The following PPIL6 variants were observed in gnomAD, a reference collection of about 807,000 sequenced individuals.
PPIL6 encodes peptidylprolyl isomerase like 6.
In PPIL6, 39 loss-of-function variants were observed where a neutral mutation model predicts 36.8. That is an observed-to-expected ratio of 1.06 (90% CI 0.82 to 1.38). The LOEUF is 1.38. Among genes scored for constraint, PPIL6 ranks in the 40% most tolerant of loss-of-function variants. The pLI, the probability that PPIL6 is intolerant of heterozygous loss-of-function variation, is 0.00. For synonymous variants in PPIL6, 123 were observed against 134.1 expected (o/e 0.92, Z 0.57); for missense variants, 368 against 379.1 (o/e 0.97, Z 0.24).
intron 3 of PPIL6, among the ~76,000 whole-genome samples, chr6:109,427,408 G>A (rs1332073024): frequency 6.6e-6 from 1 of 151,874 alleles, no homozygotes; most frequent in Non-Finnish European, 1.5e-5. Context: ...TTTTGAGACA[G>A]GGTCTGGCTC....
chr6:109,399,450 G>A (rs4946971), intron 7 of PPIL6, among the ~76,000 whole-genome samples: 10,076 of 151,884 alleles, frequency 0.066, 406 homozygotes, highest in South Asian at 0.13. Context: ...GTGTCACCCC[G>A]GCTGGAGTGC....
Position 109,392,590 on chromosome 6 carries a change from T to A in PPIL6, c.*236A>T, listed in dbSNP as rs1490316508. 2.3e-6 allele frequency: 1 copy of A among 437,066 alleles called. No individual in the cohort carries two copies. Among genetic ancestry groups the A allele is most frequent in the Non-Finnish European group, 4.0e-6 (1 of 247,648 alleles). The allele number at this position is 437,066 out of a possible 1,614,324, so 27.1% of individuals were successfully genotyped here. ...ATTCCTGTCCCACTGGCCAGAACCA[T>A]CTCTCATGGCCACCCGTGGCTGCAA... On this transcript the variant is annotated 3_prime_UTR_variant, in exon 8 of 8. Coordinates refer to ENST00000521072, the MANE Select transcript of PPIL6 (RefSeq NM_173672.5).
chr6:109,417,368 T>C (rs1773319053), intron 6 of PPIL6, among the ~76,000 whole-genome samples: 1 of 133,608 alleles, frequency 7.5e-6, no homozygotes, highest in Admixed American at 7.7e-5. Flanking sequence ...GGGAATACAG[T>C]GAGACCCTGT....
At chr6:109,433,034 C>T (rs1217670355) in intron 2 of PPIL6, among the ~76,000 whole-genome samples, 2 of 151,754 alleles carry the variant, frequency 1.3e-5, no homozygotes, top group African/African-American at 4.8e-5. Context: ...TCAGTGTTAC[C>T]ATATTTTACA....
chr6:109,421,102 G>A (rs905475224), intron 5 of PPIL6, among the ~76,000 whole-genome samples: 2 of 152,108 alleles, frequency 1.3e-5, no homozygotes, highest in Non-Finnish European at 2.9e-5. Context: ...CTTCTCCCCT[G>A]CCAACTTACC....
In PPIL6 at chr6:109,431,338, T is replaced by C. The variant is rs1415585077; in HGVS notation, c.239A>G (p.Lys80Arg). 1.3e-6 allele frequency: 2 copies of C among 1,585,208 alleles called. No homozygotes were observed. The highest frequency in any genetic ancestry group is 2.3e-5 in the South Asian group (2 of 86,088). ...QYLQEKKREL[K>R]NETWEYSSSV... The stretch of plus-strand genomic sequence containing the variant: ...GGAAGAATATTCCCAGGTTTCATTT[T>C]TGAGTTCCTGTAAGGGAAAAGGACA... Residue 80 changes from lysine to arginine, a missense_variant, in exon 3 of 8, where the codon AAA (lysine) becomes AGA (arginine). Lys to Arg is a conservative substitution (Grantham distance 26). Transcript: ENST00000521072.
At chr6:109,412,786 C>T (rs1222412016) in intron 6 of PPIL6, among the ~76,000 whole-genome samples, 1 of 152,136 alleles carries the variant, frequency 6.6e-6, no homozygotes, top group African/African-American at 2.4e-5. Context: ...GAAACTACTA[C>T]AAGAAAACAT....
At chr6:109,437,354 C>T (rs1774502383) in intron 1 of PPIL6, among the ~76,000 whole-genome samples, 1 of 152,060 alleles carries the variant, frequency 6.6e-6, no homozygotes, top group African/African-American at 2.4e-5. Context: ...TAGCACAGGT[C>T]ATCAGGGGTG....
At chr6:109,400,632 C>G (rs1562255967) in intron 6 of PPIL6, among the ~76,000 whole-genome samples, 1 of 152,092 alleles carries the variant, frequency 6.6e-6, no homozygotes, top group Non-Finnish European at 1.5e-5. Context: ...CCTTATAACA[C>G]TCGATGTAAT....
At chr6:109,437,787 C>T (rs2115299882) in intron 1 of PPIL6, among the ~76,000 whole-genome samples, 1 of 152,168 alleles carries the variant, frequency 6.6e-6, no homozygotes, top group African/African-American at 2.4e-5. Context: ...CCAGGCTGGT[C>T]TTGAACTCCT....
intron 2 of PPIL6, among the ~76,000 whole-genome samples, chr6:109,433,169 G>C (rs1027404575): frequency 1.3e-5 from 2 of 151,446 alleles, no homozygotes; most frequent in African/African-American, 4.9e-5. Flanking sequence ...TGATTCTCCT[G>C]CCTCAGCCTC....
chr6:109,403,986 A>T (rs1772672608), intron 6 of PPIL6, among the ~76,000 whole-genome samples: 1 of 152,186 alleles, frequency 6.6e-6, no homozygotes, highest in Non-Finnish European at 1.5e-5. Flanking sequence ...TCGCTTTCAC[A>T]GTTACTCATC....
chr6:109,410,585 C>T (rs1163438306), intron 6 of PPIL6, among the ~76,000 whole-genome samples: 1 of 152,168 alleles, frequency 6.6e-6, no homozygotes, highest in Non-Finnish European at 1.5e-5. Flanking sequence ...ACGGATTCCA[C>T]TTGAACCCCC....
chr6:109,426,432 A>C (rs913867763), intron 5 of PPIL6, among the ~76,000 whole-genome samples: 8 of 152,216 alleles, frequency 5.3e-5, no homozygotes, highest in Non-Finnish European at 1.0e-4. Context: ...TTTTACTTGT[A>C]ATAATGTAAC....
chr6:109,400,144 TA>T lies in PPIL6; in HGVS notation c.714del (p.Asn238LysfsTer30). On this transcript the variant is annotated frameshift_variant, in exon 7 of 8. Transcript: ENST00000521072. LOFTEE classifies it high-confidence loss of function. ...TTGGCCATTCCAAGTACTCCTCTTT[TA>T]TTATGAGGAACTGAAAAGTTTTCAT... Reference protein sequence around the residue: ...FEDENFSVPHNKRGVLGMANK... With the variant: ...FEDENFSVPHXKRGVLGMANK... 6.2e-7 allele frequency: 1 copy of T among 1,613,104 alleles called. No homozygotes were observed. The highest frequency in any genetic ancestry group is 8.5e-7 in the Non-Finnish European group (1 of 1,179,296).
chr6:109,430,297 C>T (rs934181999), intron 3 of PPIL6, among the ~76,000 whole-genome samples: 10 of 152,236 alleles, frequency 6.6e-5, no homozygotes, highest in Admixed American at 4.6e-4. Flanking sequence ...AAAGTACCTC[C>T]ACCCCTACTG....
intron 6 of PPIL6, among the ~76,000 whole-genome samples, chr6:109,401,722 G>GT (rs1228564882): frequency 1.1e-4 from 13 of 119,634 alleles, no homozygotes; most frequent in Admixed American, 5.2e-4. Flanking sequence ...GACTCAGAGA[G>GT]TTTTTCTTTT....
chr6:109,393,677 C>T (rs964988337), intron 7 of PPIL6, among the ~76,000 whole-genome samples: 1 of 152,260 alleles, frequency 6.6e-6, no homozygotes, highest in African/African-American at 2.4e-5. Flanking sequence ...TCGGGGAGGT[C>T]GGGCCACATG....
At chr6:109,423,806 A>T (rs909280887) in intron 5 of PPIL6, among the ~76,000 whole-genome samples, 2 of 152,130 alleles carry the variant, frequency 1.3e-5, no homozygotes, top group African/African-American at 2.4e-5. Flanking sequence ...ATGACTTGCT[A>T]TCTTAACTTT....
Sources: allele counts gnomAD v4.1 joint callset (sites outside exome capture counted in the v4.1 genomes callset), GRCh38; gene constraint gnomAD v4.1.1; transcripts MANE v1.5; gene names NCBI Gene and HGNC (gene_info 2026-07-23, HGNC 2026-07-21).